Variants in GLIS3 observed in about 807,000 individuals in gnomAD.
The protein encoded by GLIS3 is GLIS family zinc finger 3, also known as zinc finger protein GLIS3.
In GLIS3, 53 loss-of-function variants were observed where a neutral mutation model predicts 78.6. The observed-to-expected ratio is 0.67, with a 90% confidence interval of 0.54 to 0.85. The LOEUF (loss-of-function observed/expected upper bound fraction) is 0.85. Ranked by LOEUF, GLIS3 falls within the 40% of genes least tolerant of loss-of-function variation. The probability of loss-of-function intolerance (pLI) is 0.00; values close to 1 mark genes in which losing one functional copy is unlikely to be tolerated. For synonymous variants in GLIS3, 684 were observed against 509.9 expected (o/e 1.34, Z -4.60); for missense variants, 1,703 against 1,231.1 (o/e 1.38, Z -5.74).
In GLIS3 at chr9:3,991,980, C is replaced by G. The variant is rs190642973; in HGVS notation, c.1711-54791G>C. ...GCTGGGATTACAGGCATGAGCCACC[C>G]TGCCCGGCCAGTAGGCTGAATTTTT... is the stretch of plus-strand genomic sequence containing the variant. On this transcript the variant is annotated intron_variant, in intron 4 of 10. Transcript: ENST00000381971. 4.9e-3 allele frequency among the ~76,000 whole-genome samples: 747 copies of G among 152,210 alleles called. 1 individual carries two copies. The highest frequency in any genetic ancestry group is 6.5e-3 in the Non-Finnish European group (444 of 67,996).
At chr9:4,323,396 C>CT (rs200347145) in intron 2 of GLIS3, among the ~76,000 whole-genome samples, 2,312 of 152,194 alleles carry the variant, frequency 0.015, 59 homozygotes, top group African/African-American at 0.052. Flanking sequence ...TGTGTATAGT[C>CT]TCTAGAACTT....
chr9:4,419,536 T>C, the GLIS3 span, among the ~76,000 whole-genome samples: 1 of 152,102 alleles, frequency 6.6e-6, no homozygotes, highest in Non-Finnish European at 1.5e-5. Flanking sequence ...ATGCTTGTAA[T>C]CCCAGCATTT....
chr9:4,097,572 G>A (rs1420695047), intron 4 of GLIS3, among the ~76,000 whole-genome samples: 1 of 152,122 alleles, frequency 6.6e-6, no homozygotes, highest in Non-Finnish European at 1.5e-5. Flanking sequence ...GAATTTATGG[G>A]TAATTCAATG....
In GLIS3 at chr9:4,147,939, G is replaced by C. The variant is rs79382724; in HGVS notation, c.389-21998C>G. The stretch of plus-strand genomic sequence containing the variant: ...CACAAAGGTAAGTCAACTTACTGTC[G>C]GCTGTTTCATTTTGCACACATCTCT... On this transcript the variant is annotated intron_variant, in intron 2 of 10. Transcript: ENST00000381971. Among the ~76,000 whole-genome samples, 1,138 of 152,224 alleles carry C rather than the reference G, an allele frequency of 7.5e-3. 13 individuals carry two copies. The highest frequency in any genetic ancestry group is 0.026 in the African/African-American group (1,068 of 41,534).
upstream of GLIS3, among the ~76,000 whole-genome samples, chr9:4,302,088 C>G (rs1817098795): frequency 6.6e-6 from 1 of 151,840 alleles, no homozygotes; most frequent in Non-Finnish European, 1.5e-5. Flanking sequence ...CAGTACAACC[C>G]TGGAATGACT....
chr9:4,082,142 C>G (rs1442145374), intron 4 of GLIS3, among the ~76,000 whole-genome samples: 1 of 152,196 alleles, frequency 6.6e-6, no homozygotes, highest in African/African-American at 2.4e-5. Flanking sequence ...TCACAGTTGA[C>G]ATCTTGTCAA....
chr9:3,851,469 CA>C, intron 9 of GLIS3, among the ~76,000 whole-genome samples: 1 of 152,262 alleles, frequency 6.6e-6, no homozygotes, highest in South Asian at 2.1e-4. Flanking sequence ...CTAATGAAGG[CA>C]AAATGAATGA....
intron 2 of GLIS3, among the ~76,000 whole-genome samples, chr9:4,195,655 G>T (rs1037971311): frequency 2.6e-5 from 4 of 152,274 alleles, no homozygotes; most frequent in African/African-American, 9.6e-5. Flanking sequence ...CCCATCGACC[G>T]CCCAAGGGCT....
intron 4 of GLIS3, among the ~76,000 whole-genome samples, chr9:4,087,953 G>GCC (rs1829181318): frequency 6.6e-6 from 1 of 150,720 alleles, no homozygotes; most frequent in Non-Finnish European, 1.5e-5. Flanking sequence ...ACATGGATTG[G>GCC]CCCCCAATGA....
At chr9:4,280,362 T>C (rs1334017505) in intron 2 of GLIS3, among the ~76,000 whole-genome samples, 2 of 152,200 alleles carry the variant, frequency 1.3e-5, no homozygotes, top group African/African-American at 4.8e-5. Context: ...AATAATACTT[T>C]GTATGAAAAT....
At chr9:4,002,330 C>A (rs183442665) in intron 4 of GLIS3, among the ~76,000 whole-genome samples, 136 of 152,288 alleles carry the variant, frequency 8.9e-4, no homozygotes, top group Non-Finnish European at 1.6e-3. Flanking sequence ...CAGTAAAATT[C>A]ATTTCCGACT....
the GLIS3 span, among the ~76,000 whole-genome samples, chr9:4,395,584 G>T: frequency 3.3e-5 from 5 of 152,066 alleles, no homozygotes; most frequent in South Asian, 1.0e-3. Context: ...CTTCGTCCCT[G>T]GCCTCTACCC....
chr9:4,027,041 C>T (rs889483059), intron 4 of GLIS3, among the ~76,000 whole-genome samples: 12 of 152,132 alleles, frequency 7.9e-5, no homozygotes, highest in African/African-American at 2.4e-4. Flanking sequence ...CAATGGGGAT[C>T]CTTTACATGT....
At chr9:4,417,093 T>A in the GLIS3 span, among the ~76,000 whole-genome samples, 14 of 152,188 alleles carry the variant, frequency 9.2e-5, no homozygotes, top group Non-Finnish European at 2.1e-4. Flanking sequence ...GGAGACAGGC[T>A]ACACAATTAT....
the GLIS3 span, among the ~76,000 whole-genome samples, chr9:4,395,773 TTTTC>T: frequency 1.2e-4 from 17 of 141,162 alleles, no homozygotes; most frequent in Non-Finnish European, 1.9e-4. Flanking sequence ...TTTTTTCTTT[TTTTC>T]TTTTTTTTTT....
At chr9:3,842,963 T>C (rs538742955) in intron 9 of GLIS3, among the ~76,000 whole-genome samples, 58 of 152,264 alleles carry the variant, frequency 3.8e-4, no homozygotes, top group South Asian at 8.3e-4. Flanking sequence ...GTGGTGATGA[T>C]TGTTCCAAAA....
At chr9:3,911,646 C>A (rs1472105328) in intron 6 of GLIS3, among the ~76,000 whole-genome samples, 1 of 152,086 alleles carries the variant, frequency 6.6e-6, no homozygotes, top group Non-Finnish European at 1.5e-5. Flanking sequence ...ATTTTTGTAT[C>A]CTTACTGATG....
intron 2 of GLIS3, among the ~76,000 whole-genome samples, chr9:4,135,627 G>A (rs1833351462): frequency 6.6e-6 from 1 of 151,916 alleles, no homozygotes; most frequent in African/African-American, 2.4e-5. Context: ...ATGAAATATA[G>A]GTACCCACCA....
At chr9:4,103,780 G>C (rs955279637) in intron 4 of GLIS3, among the ~76,000 whole-genome samples, 2 of 152,140 alleles carry the variant, frequency 1.3e-5, no homozygotes, top group Non-Finnish European at 2.9e-5. Flanking sequence ...GGTCCCTCTT[G>C]TTTTCTGTTT....
Sources: gnomAD v4.1 joint callset for allele counts (sites outside exome capture counted in the v4.1 genomes callset) on GRCh38, gnomAD v4.1.1 for gene constraint, MANE v1.5 for transcripts, NCBI Gene and HGNC (gene_info 2026-07-23, HGNC 2026-07-21) for gene names.